Variants in SPEN observed in about 807,000 individuals in gnomAD.
SPEN encodes the protein msx2-interacting protein.
Under a neutral mutation model 269.9 loss-of-function variants are expected in SPEN, and 18 were observed. The ratio of observed to expected loss-of-function variants is 0.07; its 90% CI spans 0.05 to 0.10. The LOEUF is 0.10. Among genes scored for constraint, SPEN ranks in the 10% least tolerant of loss-of-function variants. The pLI, the probability that SPEN is intolerant of heterozygous loss-of-function variation, is 1.00. For synonymous variants in SPEN, 1,726 were observed against 1,765.7 expected (o/e 0.98, Z 0.56); for missense variants, 3,822 against 4,631.2 (o/e 0.83, Z 5.07).
At chr1:15,901,383 C>T (rs2070898520) in intron 3 of SPEN, among the ~76,000 whole-genome samples, 1 of 150,448 alleles carries the variant, frequency 6.6e-6, no homozygotes, top group Non-Finnish European at 1.5e-5. Flanking sequence ...TGGCTCATGC[C>T]TGTAATGAGC....
In SPEN at chr1:15,932,759, G is replaced by A; in HGVS notation, c.6519G>A (p.Gln2173=). 1.2e-6 allele frequency: 2 copies of A among 1,614,196 alleles called. No homozygotes were observed. Among genetic ancestry groups the A allele is most frequent in the South Asian group, 2.2e-5 (2 of 91,078 alleles). The change falls in exon 11 of 15, where the codon CAG becomes CAA. Residue 2173 remains glutamine (Q), a synonymous_variant. Coordinates refer to ENST00000375759, the MANE Select transcript of SPEN (RefSeq NM_015001.3). The surrounding 1 kb of genome is among the most constrained non-coding windows in gnomAD (Gnocchi z 4.2). ...TAGCCAAGCAGATGGAGCTGGAGCA[G>A]GCCGTGGAACACATCGCAAAGCTCG... The part of the protein sequence containing the change: ...TQLAKQMELE[Q]AVEHIAKLAE...
Position 15,933,826 on chromosome 1 carries a change from C to T in SPEN, c.7586C>T (p.Thr2529Ile). 2 of 1,613,324 alleles carry T rather than the reference C, an allele frequency of 1.2e-6. No homozygotes were observed. The highest frequency in any genetic ancestry group is 1.7e-6 in the Non-Finnish European group (2 of 1,180,042). The part of the protein sequence containing the change: ...PPDTKASDVD[T>I]SSSTLRKILM... ...GACACAAAGGCCTCTGATGTTGACACCAGCTCCAGCACCCTGAGGAAGATT... is the reference window on the plus strand; with the variant it reads ...GACACAAAGGCCTCTGATGTTGACATCAGCTCCAGCACCCTGAGGAAGATT... Residue 2529 changes from threonine to isoleucine, a missense_variant, in exon 11 of 15, where the codon ACC becomes ATC. Coordinates refer to ENST00000375759, the MANE Select transcript of SPEN (RefSeq NM_015001.3). This position sits in a 1 kb window ranked among gnomAD's most constrained non-coding sequence, Gnocchi z 5.7.
Position 15,884,232 on chromosome 1 carries a change from TAAG to T in SPEN, c.881+7558_881+7560del, listed in dbSNP as rs1409246936. 4.6e-5 allele frequency among the ~76,000 whole-genome samples: 7 copies of T among 152,334 alleles called. No individual in the cohort carries two copies. The East Asian group carries it at 9.6e-4, about 21-fold the overall frequency. ...AAAAGCATGAAAGTCTGCAGTCTAA[TAAG>T]AAGCATTTTTTTTCTGTAAAGACCA... is the stretch of plus-strand genomic sequence containing the variant. On this transcript the variant is annotated intron_variant, in intron 3 of 14. Coordinates refer to ENST00000375759, the MANE Select transcript of SPEN (RefSeq NM_015001.3).
At chr1:15,897,691 G>A (rs1472817196) in intron 3 of SPEN, among the ~76,000 whole-genome samples, 1 of 151,990 alleles carries the variant, frequency 6.6e-6, no homozygotes, top group Non-Finnish European at 1.5e-5. Context: ...TAGAGATGGA[G>A]TTTCACCATA....
chr1:15,906,453 CTTTTTTTTTTTTTT>C (rs200731520), intron 3 of SPEN, among the ~76,000 whole-genome samples: 15,615 of 93,792 alleles, frequency 0.17, 1,382 homozygotes, highest in Admixed American at 0.36. Flanking sequence ...TCTTTCTTTC[CTTTTTTTTTTTTTT>C]TTTTTTTTTT....
In SPEN at chr1:15,929,370, A is replaced by G. The variant is rs2071199592; in HGVS notation, c.3130A>G (p.Ile1044Val). The G allele has an allele frequency of 6.2e-7, 1 of 1,613,394 alleles. No homozygotes were observed. The highest frequency in any genetic ancestry group is 8.5e-7 in the Non-Finnish European group (1 of 1,179,790). The change falls in exon 11 of 15, where the codon ATT (isoleucine) becomes GTT (valine). Residue 1044 changes from isoleucine to valine, a missense_variant. Ile to Val is a conservative substitution (Grantham distance 29). This residue lies in a region of SPEN where 572 missense variants were observed against 582.6 expected (regional missense o/e 0.98). Transcript: ENST00000375759. This position sits in a 1 kb window ranked among gnomAD's most constrained non-coding sequence, Gnocchi z 5.8. The part of the protein sequence containing the change: ...EAERKPVRKE[I>V]LKRESKKIKL... The stretch of plus-strand genomic sequence containing the variant: ...TGAAAGAAAGCCTGTGAGGAAAGAA[A>G]TTCTTAAAAGAGAATCTAAAAAAAT...
In SPEN at chr1:15,928,114, A is replaced by G. The variant is rs1220317189; in HGVS notation, c.1874A>G (p.Asp625Gly). The G allele has an allele frequency of 6.2e-7, 1 of 1,609,882 alleles. No individual in the cohort carries two copies. Residue 625 changes from aspartate (D) to glycine (G), a missense_variant, in exon 11 of 15, where the codon GAC becomes GGC. This residue lies in a region of SPEN where 230 missense variants were observed against 426.1 expected (regional missense o/e 0.54). Coordinates refer to ENST00000375759, the MANE Select transcript of SPEN (RefSeq NM_015001.3). The surrounding 1 kb of genome is among the most constrained non-coding windows in gnomAD (Gnocchi z 5.7). ...ERREERRASY[D>G]YNQDRTYYES... ...AGAGAGGAACGAAGGGCATCCTACG[A>G]CTATAACCAAGATCGTACATATTAT...
chr1:15,886,615 C>G (rs539644935), intron 3 of SPEN, among the ~76,000 whole-genome samples: 1 of 152,332 alleles, frequency 6.6e-6, no homozygotes, highest in East Asian at 1.9e-4. Flanking sequence ...CTGGTACAAA[C>G]TCTATTTTTA....
chr1:15,849,203 A>G (rs1331597381), intron 1 of SPEN, among the ~76,000 whole-genome samples: 1 of 152,224 alleles, frequency 6.6e-6, no homozygotes, highest in Non-Finnish European at 1.5e-5. Context: ...TGTCCTCGAA[A>G]ATGACAGTTT....
In SPEN at chr1:15,932,574, A is replaced by G. The variant is rs1422368010; in HGVS notation, c.6334A>G (p.Arg2112Gly). 5 of 1,601,816 alleles carry G rather than the reference A, an allele frequency of 3.1e-6. No individual in the cohort carries two copies. In the South Asian group the frequency reaches 4.5e-5, roughly 14 times the overall value. Reference sequence around the variant, plus strand: ...GGGGGCTGCAGCACAGGCAGGGGAGAGGGAATCTGGGGTGGTGGCAGTCTC... The same window carrying G: ...GGGGGCTGCAGCACAGGCAGGGGAGGGGGAATCTGGGGTGGTGGCAGTCTC... The part of the protein sequence containing the change: ...PRGAAAQAGE[R>G]ESGVVAVSPE... The change falls in exon 11 of 15, where the codon AGG (arginine) becomes GGG (glycine). Residue 2112 changes from arginine to glycine, a missense_variant. Transcript: ENST00000375759. This position sits in a 1 kb window ranked among gnomAD's most constrained non-coding sequence, Gnocchi z 4.2.
Position 15,931,354 on chromosome 1 carries a change from G to A in SPEN, c.5114G>A (p.Gly1705Glu). 6.2e-7 allele frequency: 1 copy of A among 1,614,190 alleles called. No individual in the cohort carries two copies. Among genetic ancestry groups the A allele is most frequent in the Non-Finnish European group, 8.5e-7 (1 of 1,180,026 alleles). Reference protein sequence around the residue: ...EQLEQVDLPPGADPDKEAAMM... With the variant: ...EQLEQVDLPPEADPDKEAAMM... ...CTGGAACAAGTAGACCTGCCCCCAG[G>A]AGCAGACCCCGATAAAGAAGCTGCC... The change falls in exon 11 of 15, where the codon GGA (glycine) becomes GAA (glutamate). Residue 1705 changes from glycine to glutamate, a missense_variant. By Grantham distance (98) the Gly-to-Glu change is moderately conservative. Around this residue, in one of 16 missense-constraint regions of SPEN, gnomAD observed 533 missense variants for 618.8 expected, o/e 0.86. Transcript: ENST00000375759. This position sits in a 1 kb window ranked among gnomAD's most constrained non-coding sequence, Gnocchi z 4.8.
In SPEN at chr1:15,933,649, C is replaced by T. The variant is rs776979085; in HGVS notation, c.7409C>T (p.Pro2470Leu). ...CCCAGCGATCCAAGCATCCCCATAC[C>T]CACACTGCCTTCTGTAACTGCAGCA... ...TPPSDPSIPI[P>L]TLPSVTAAKL... The change falls in exon 11 of 15, where the codon CCC becomes CTC. Residue 2470 changes from proline (P) to leucine (L), a missense_variant. Coordinates refer to ENST00000375759, the MANE Select transcript of SPEN (RefSeq NM_015001.3). This position sits in a 1 kb window ranked among gnomAD's most constrained non-coding sequence, Gnocchi z 5.7. 2 of 1,614,144 alleles carry T rather than the reference C, an allele frequency of 1.2e-6. No individual in the cohort carries two copies. Among genetic ancestry groups the T allele is most frequent in the Non-Finnish European group, 1.7e-6 (2 of 1,180,026 alleles).
At chr1:15,854,733 G>A (rs916646061) in intron 1 of SPEN, among the ~76,000 whole-genome samples, 2 of 151,870 alleles carry the variant, frequency 1.3e-5, no homozygotes, top group South Asian at 2.1e-4. Context: ...TGCCCACCTC[G>A]GCCTCCCAAA....
chr1:15,897,449 G>A (rs1488383509), intron 3 of SPEN, among the ~76,000 whole-genome samples: 1 of 150,954 alleles, frequency 6.6e-6, no homozygotes, highest in Non-Finnish European at 1.5e-5. Flanking sequence ...CGCAACCTCC[G>A]CCTTCTGGGT....
Position 15,848,157 on chromosome 1 carries a change from G to A in SPEN, c.83+7G>A. On this transcript the variant is annotated splice_region_variant and intron_variant, in intron 1 of 14. Coordinates refer to ENST00000375759, the MANE Select transcript of SPEN (RefSeq NM_015001.3). The surrounding 1 kb of genome is among the most constrained non-coding windows in gnomAD (Gnocchi z 5.1). ...TCATCGAGCATTTCAAACGGTGAGT[G>A]ACACGAGGCCCGCGGCCGCGCTCGC... 6.8e-7 allele frequency: 1 copy of A among 1,469,002 alleles called. No homozygotes were observed. Among genetic ancestry groups the A allele is most frequent in the Non-Finnish European group, 9.1e-7 (1 of 1,098,530 alleles). 91.0% of individuals were successfully genotyped at this position (1,469,002 alleles called of 1,614,324 possible). A position where few individuals can be genotyped will look rare whatever the true frequency, so the allele number is the denominator to read the frequency against.
chr1:15,904,467 A>AAAAAAAAAAAAAAAAAAAAAAAAAAT (rs1428603280), intron 3 of SPEN, among the ~76,000 whole-genome samples: 1 of 149,722 alleles, frequency 6.7e-6, no homozygotes, highest in Non-Finnish European at 1.5e-5. Flanking sequence ...AAAAAAAAAA[A>AAAAAAAAAAAAAAAAAAAAAAAAAAT]AAAAAAAAAA....
rs973378736 is a variant in SPEN at position 15,847,902 on chromosome 1, G to A, written c.-166G>A. The A allele has an allele frequency of 6.5e-6, 2 of 308,830 alleles. No individual in the cohort carries two copies. Among genetic ancestry groups the A allele is most frequent in the African/African-American group, 4.4e-5 (2 of 45,514 alleles). 19.1% of individuals were successfully genotyped at this position (308,830 alleles called of 1,614,324 possible). A position where few individuals can be genotyped will look rare whatever the true frequency, so the allele number is the denominator to read the frequency against. ...CCGAGAGTCAGAACCTGGGGGAGAG[G>A]GATGGTCTCTGCACGGGGGGGAGCC... On this transcript the variant is annotated 5_prime_UTR_variant, in exon 1 of 15. Coordinates refer to ENST00000375759, the MANE Select transcript of SPEN (RefSeq NM_015001.3).
intron 11 of SPEN, 48 bp downstream of exon 11, chr1:15,936,314 G>T (rs1159425923): frequency 6.7e-7 from 1 of 1,496,988 alleles, no homozygotes; most frequent in South Asian, 1.4e-5. Flanking sequence ...ATGTGCTTGT[G>T]GGGCTCAGCA....
At chr1:15,850,164 A>G (rs1166556872) in intron 1 of SPEN, among the ~76,000 whole-genome samples, 4 of 152,128 alleles carry the variant, frequency 2.6e-5, no homozygotes, top group Non-Finnish European at 5.9e-5. Context: ...GGGAATCAGC[A>G]GAGCCGATCT....
Sources: gnomAD v4.1 joint callset for allele counts (sites outside exome capture counted in the v4.1 genomes callset) on GRCh38, gnomAD v4.1.1 for gene constraint, gnomAD v4.1.1 regional missense constraint, Gnocchi (gnomAD v3.1) non-coding constraint, MANE v1.5 for transcripts, NCBI Gene and HGNC (gene_info 2026-07-23, HGNC 2026-07-21) for gene names.